Variants in STK17B observed in about 807,000 individuals in gnomAD.
STK17B encodes serine/threonine-protein kinase 17B.
Under a neutral mutation model 42.0 loss-of-function variants are expected in STK17B, and 21 were observed. That is an observed-to-expected ratio of 0.50 (90% confidence interval 0.35 to 0.72). STK17B has a LOEUF of 0.72. Ranked by LOEUF, STK17B falls within the 30% of genes least tolerant of loss-of-function variation. The pLI is 0.00. For missense variants in STK17B, 349 were observed against 446.0 expected, an observed-to-expected ratio of 0.78 and a Z score of 1.96; for synonymous variants, 143 against 148.4, an observed-to-expected ratio of 0.96 and a Z score of 0.26.
intron 2 of STK17B, among the ~76,000 whole-genome samples, chr2:196,161,129 T>G (rs979681343): frequency 6.6e-6 from 1 of 152,154 alleles, no homozygotes; most frequent in South Asian, 2.1e-4. Context: ...CGCTGAAGCA[T>G]TCAAACTGAG....
At chr2:196,137,904 T>C (rs986092156) in intron 7 of STK17B, among the ~76,000 whole-genome samples, 175 bp from the exon 8 acceptor site, 1 of 152,242 alleles carries the variant, frequency 6.6e-6, no homozygotes, top group African/African-American at 2.4e-5. Flanking sequence ...TAACATTTAC[T>C]GAATGCTTAG....
At chr2:196,174,271 T>G (rs1699978682), upstream of STK17B, 1 of 152,108 alleles carries the variant, frequency 6.6e-6, no homozygotes, top group Non-Finnish European at 1.5e-5. Context: ...GGGAAGGTGA[T>G]CCTCTCCGGT....
chr2:196,146,281 C>T (rs1207683824), intron 3 of STK17B, among the ~76,000 whole-genome samples: 3 of 151,974 alleles, frequency 2.0e-5, no homozygotes, highest in East Asian at 3.9e-4. Context: ...CTGAGATAGG[C>T]GAATCACTGA....
At chr2:196,165,049 T>C (rs532371535) in intron 1 of STK17B, among the ~76,000 whole-genome samples, 1 of 152,326 alleles carries the variant, frequency 6.6e-6, no homozygotes, top group East Asian at 1.9e-4. Context: ...TTTGCTATTG[T>C]TATGGGCTGA....
intron 3 of STK17B, among the ~76,000 whole-genome samples, chr2:196,147,067 T>C (rs1417069669): frequency 1.3e-5 from 2 of 152,176 alleles, no homozygotes; most frequent in African/African-American, 2.4e-5. Flanking sequence ...CTTATAGTCA[T>C]CCATAAAGCA....
chr2:196,158,855 C>A (rs1305365240), intron 2 of STK17B, among the ~76,000 whole-genome samples: 1 of 151,594 alleles, frequency 6.6e-6, no homozygotes, highest in Non-Finnish European at 1.5e-5. Context: ...ACTAAAAATA[C>A]AAAAAATTAG....
chr2:196,161,992 T>C (rs1519600), intron 2 of STK17B, among the ~76,000 whole-genome samples: 95,065 of 151,944 alleles, frequency 0.63, 29,835 homozygotes, highest in South Asian at 0.67. Flanking sequence ...ATCAATCACA[T>C]TGTTTTGCTG....
chr2:196,143,550 A>C lies in STK17B; in HGVS notation c.607+10T>G, dbSNP rs182612583. The C allele has an allele frequency of 5.0e-6, 8 of 1,588,916 alleles. No individual in the cohort carries two copies. The East Asian group carries it at 1.6e-4, about 31-fold the overall frequency. ...TCAAAATGGTATAGAAAATAAAAGG[A>C]AATTCTTACCTAAATATTCTGGTGT... On this transcript the variant is annotated intron_variant, in intron 5 of 7. Transcript: ENST00000263955.
chr2:196,141,180 CAAA>C, intron 6 of STK17B, 66 bp downstream of exon 6: 2 of 1,201,048 alleles, frequency 1.7e-6, no homozygotes, highest in Non-Finnish European at 2.4e-6. Context: ...CTCTTGGAGT[CAAA>C]GAACCCCAGA....
intron 1 of STK17B, among the ~76,000 whole-genome samples, chr2:196,165,072 C>T (rs1699860094): frequency 6.6e-6 from 1 of 152,094 alleles, no homozygotes; most frequent in Admixed American, 6.6e-5. Context: ...TGTGTCCTCC[C>T]CCAAATTCCT....
Position 196,137,296 on chromosome 2 carries a change from A to T in STK17B, c.*151T>A. ...ATGAAATCATAACATGCTAGCAACT[A>T]GTAATTTAACATTAAAACACTTCCC... On this transcript the variant is annotated 3_prime_UTR_variant, in exon 8 of 8. Transcript: ENST00000263955. 1 of 756,278 alleles carries T rather than the reference A, an allele frequency of 1.3e-6. No homozygotes were observed. Among genetic ancestry groups the T allele is most frequent in the Non-Finnish European group, 2.0e-6 (1 of 495,492 alleles). 46.8% of individuals were successfully genotyped at this position (756,278 alleles called of 1,614,324 possible).
In STK17B at chr2:196,143,601, G is replaced by A. The variant is rs1699524113; in HGVS notation, c.566C>T (p.Ala189Val). ...DFGMSRKIGH[A>V]CELREIMGTP... ...TCCCATGATTTCCCGAAGTTCACAC[G>A]CATGCCCTATTTTTCGAGACATTCC... is the stretch of plus-strand genomic sequence containing the variant. The change falls in exon 5 of 8, where the codon GCG becomes GTG. Residue 189 changes from alanine (A) to valine (V), a missense_variant. Ala to Val is a moderately conservative substitution (Grantham distance 64). Around this residue, in one of 3 missense-constraint regions of STK17B, gnomAD observed 256 missense variants for 347.7 expected, o/e 0.74. Transcript: ENST00000263955. The A allele has an allele frequency of 3.1e-6, 5 of 1,606,700 alleles. No homozygotes were observed. Among genetic ancestry groups the A allele is most frequent in the Admixed American group, 1.7e-5 (1 of 58,956 alleles).
chr2:196,144,275 G>A (rs1699536875), intron 4 of STK17B, among the ~76,000 whole-genome samples: 1 of 151,750 alleles, frequency 6.6e-6, no homozygotes, highest in Non-Finnish European at 1.5e-5. Flanking sequence ...CAGATCACGA[G>A]GTCAGGAGAT....
rs774560861 is a variant in STK17B, at chr2:196,137,557, T to C, written c.1009A>G (p.Arg337Gly). The change falls in exon 8 of 8, where the codon AGA becomes GGA. Residue 337 changes from arginine (R) to glycine (G), a missense_variant. By Grantham distance (125) the Arg-to-Gly change is moderately radical. Around this residue, in one of 3 missense-constraint regions of STK17B, gnomAD observed 87 missense variants for 78.8 expected, o/e 1.10. Coordinates refer to ENST00000263955, the MANE Select transcript of STK17B (RefSeq NM_004226.4). The stretch of plus-strand genomic sequence containing the variant: ...TCTGGGATATTCTCTTTGTCTTCTC[T>C]ATCACCACAGGTTCCATTACAGGAG... ...KSSCNGTCGD[R>G]EDKENIPEDS... is the part of the protein sequence containing the mutation. 8.1e-6 allele frequency: 13 copies of C among 1,614,022 alleles called. No homozygotes were observed. In the Admixed American group the frequency reaches 2.2e-4, roughly 27 times the overall value.
rs1699353502 is a variant in STK17B at position 196,133,616 on chromosome 2, G to A, written c.*3831C>T. 6.6e-6 allele frequency: 1 copy of A among 152,206 alleles called. No homozygotes were observed. Among genetic ancestry groups the A allele is most frequent in the South Asian group, 2.1e-4 (1 of 4,836 alleles). The allele number at this position is 152,206 out of a possible 1,614,324, so 9.4% of individuals were successfully genotyped here. A position where few individuals can be genotyped will look rare whatever the true frequency, so the allele number is the denominator to read the frequency against. On this transcript the variant is annotated 3_prime_UTR_variant, in exon 8 of 8. Coordinates refer to ENST00000263955, the MANE Select transcript of STK17B (RefSeq NM_004226.4). ...CAGATATGTTTATTAGACACAAAGA[G>A]GGTTCATAGATGACCTAGGTCAAAG...
At chr2:196,158,230 C>T (rs114200150) in intron 2 of STK17B, among the ~76,000 whole-genome samples, 2,653 of 152,232 alleles carry the variant, frequency 0.017, 70 homozygotes, top group African/African-American at 0.06. Context: ...AACTGGGGGA[C>T]TACACTGCTT....
chr2:196,143,790 TTTCA>T (rs1277457447), intron 4 of STK17B, 104 bp from the exon 5 acceptor site: 7 of 1,058,018 alleles, frequency 6.6e-6, no homozygotes, highest in Non-Finnish European at 7.6e-6. Flanking sequence ...CTATTATACA[TTTCA>T]TTGAGTCATG....
intron 6 of STK17B, among the ~76,000 whole-genome samples, chr2:196,140,245 G>C (rs1017569703): frequency 2.0e-5 from 3 of 152,240 alleles, no homozygotes; most frequent in Non-Finnish European, 2.9e-5. Context: ...CTGTAAATGT[G>C]TTAATGGCAA....
upstream of STK17B, among the ~76,000 whole-genome samples, chr2:196,175,796 G>A (rs975025263): frequency 2.6e-5 from 4 of 151,588 alleles, no homozygotes; most frequent in Non-Finnish European, 5.9e-5. Context: ...GGCTAGAAAC[G>A]TGCCTTCTAA....
Sources: allele counts gnomAD v4.1 joint callset (sites outside exome capture counted in the v4.1 genomes callset), GRCh38; gene constraint gnomAD v4.1.1; regional missense constraint gnomAD v4.1.1; transcripts MANE v1.5; gene names NCBI Gene and HGNC (gene_info 2026-07-23, HGNC 2026-07-21).